DDX10: variants seen among roughly 807,000 people sequenced by gnomAD.
DDX10 encodes probable ATP-dependent RNA helicase DDX10.
In DDX10, 74 loss-of-function variants were observed where a neutral mutation model predicts 104.3. That is an observed-to-expected ratio of 0.71 (90% CI 0.59 to 0.86). DDX10 has a LOEUF of 0.86. DDX10 is among the 40% of genes least tolerant of loss of function. DDX10 has a pLI of 0.00. For synonymous variants in DDX10, 351 were observed against 353.4 expected (o/e 0.99, Z 0.08); for missense variants, 952 against 1,040.0 (o/e 0.92, Z 1.16).
At chr11:108,756,859 C>G (rs1203062300) in intron 13 of DDX10, among the ~76,000 whole-genome samples, 1 of 151,936 alleles carries the variant, frequency 6.6e-6, no homozygotes, top group East Asian at 1.9e-4. Context: ...CAGTCAACAT[C>G]GAGTCATGTC....
intron 13 of DDX10, among the ~76,000 whole-genome samples, chr11:108,774,286 C>T (rs1030876623): frequency 3.3e-5 from 5 of 152,172 alleles, no homozygotes; most frequent in Admixed American, 1.3e-4. Flanking sequence ...TGGGCATTGC[C>T]CTTTGCAGGC....
At chr11:108,872,820 T>TCCCCCCCC (rs33959241) in intron 16 of DDX10, among the ~76,000 whole-genome samples, 29 of 145,106 alleles carry the variant, frequency 2.0e-4, no homozygotes, top group South Asian at 4.7e-4. Context: ...TAATTTCCGT[T>TCCCCCCCC]CCCCCCCCCT....
At chr11:108,906,014 T>C (rs1303454990) in intron 16 of DDX10, among the ~76,000 whole-genome samples, 2 of 152,206 alleles carry the variant, frequency 1.3e-5, no homozygotes, top group African/African-American at 2.4e-5. Context: ...ACCTCCAGCA[T>C]TGGGGATTAC....
intron 13 of DDX10, among the ~76,000 whole-genome samples, chr11:108,734,159 T>TC (rs2094315593): frequency 6.6e-6 from 1 of 152,172 alleles, no homozygotes; most frequent in Non-Finnish European, 1.5e-5. Flanking sequence ...TTTTTATCTC[T>TC]TCCATACCTG....
chr11:108,719,337 T>C (rs1033163480), intron 11 of DDX10, among the ~76,000 whole-genome samples: 2 of 152,166 alleles, frequency 1.3e-5, no homozygotes, highest in African/African-American at 4.8e-5. Flanking sequence ...ATGCTAGGTA[T>C]CTACATGCAT....
chr11:108,665,961 G>C (rs2094209608), intron 1 of DDX10, among the ~76,000 whole-genome samples: 1 of 152,132 alleles, frequency 6.6e-6, no homozygotes, highest in Non-Finnish European at 1.5e-5. Flanking sequence ...TGGACCGCTG[G>C]TCTGTTTCTG....
intron 13 of DDX10, chr11:108,822,434 TG>T: frequency 5.2e-6 from 2 of 382,254 alleles, no homozygotes; most frequent in Non-Finnish European, 1.0e-5. Flanking sequence ...ATGTTCTTCT[TG>T]GGAGTCTCCA....
rs574085981 is a variant in DDX10, at chr11:108,858,881, A to G, written c.2304+6672A>G. Among the ~76,000 whole-genome samples the G allele has an allele frequency of 1.4e-4, 21 of 152,232 alleles. No individual in the cohort carries two copies. The East Asian group carries it at 3.7e-3, about 27-fold the overall frequency. On this transcript the variant is annotated intron_variant, in intron 16 of 17. Transcript: ENST00000322536. ...AGGGTAATTTGATATGTTGATTTTC[A>G]CCTTGCCTGTCAGCTTTGGAACTGA...
At chr11:108,889,543 A>G (rs1200204420) in intron 16 of DDX10, among the ~76,000 whole-genome samples, 5 of 152,152 alleles carry the variant, frequency 3.3e-5, no homozygotes, top group African/African-American at 1.2e-4. Context: ...ATTACTTTTT[A>G]TTAAGGAAAC....
chr11:108,696,729 C>T (rs1291531816), intron 9 of DDX10, among the ~76,000 whole-genome samples: 4 of 151,878 alleles, frequency 2.6e-5, no homozygotes, highest in East Asian at 1.9e-4. Context: ...TTTTCCTTTT[C>T]GATATCTTTA....
intron 13 of DDX10, among the ~76,000 whole-genome samples, chr11:108,744,891 G>A (rs1358428308): frequency 6.6e-6 from 1 of 152,152 alleles, no homozygotes; most frequent in African/African-American, 2.4e-5. Flanking sequence ...AAGTGTCTAA[G>A]GCTGTGTTAG....
Position 108,675,724 on chromosome 11 carries a change from C to G in DDX10, c.376C>G (p.Pro126Ala). 6.2e-7 allele frequency: 1 copy of G among 1,613,978 alleles called. No homozygotes were observed. Among genetic ancestry groups the G allele is most frequent in the Non-Finnish European group, 8.5e-7 (1 of 1,179,966 alleles). The change falls in exon 3 of 18, where the codon CCA (proline) becomes GCA (alanine). Residue 126 changes from proline to alanine, a missense_variant and splice_region_variant. Transcript: ENST00000322536. ...GSGKTLAFLVPVLEALYRLQW... is the reference protein window; with the variant it reads ...GSGKTLAFLVAVLEALYRLQW... ...TGGCAAGACTCTGGCTTTTCTTGTT[C>G]CAGTAAGTACATTGTCATTGGGTCA...
chr11:108,683,017 G>T (rs914601428), intron 6 of DDX10, among the ~76,000 whole-genome samples: 1 of 152,240 alleles, frequency 6.6e-6, no homozygotes. Context: ...AGGTCAGGTT[G>T]TCTTGATCTG....
At chr11:108,755,798 C>T (rs1371079631) in intron 13 of DDX10, among the ~76,000 whole-genome samples, 1 of 151,986 alleles carries the variant, frequency 6.6e-6, no homozygotes, top group Non-Finnish European at 1.5e-5. Flanking sequence ...TTACTTCTTA[C>T]TTTAGTTTTC....
intron 16 of DDX10, among the ~76,000 whole-genome samples, chr11:108,906,141 A>T (rs1392383974): frequency 6.6e-6 from 1 of 152,292 alleles, no homozygotes; most frequent in South Asian, 2.1e-4. Flanking sequence ...TTTACTATTA[A>T]TACCTGGTTT....
intron 13 of DDX10, among the ~76,000 whole-genome samples, chr11:108,803,598 A>AG (rs34795110): frequency 0.71 from 97,982 of 138,572 alleles, 35,641 homozygotes; most frequent in Admixed American, 0.78. Flanking sequence ...AAAAAAAAAA[A>AG]AAAAGAAAAA....
chr11:108,779,069 A>G (rs569074765), intron 13 of DDX10, among the ~76,000 whole-genome samples: 59 of 152,268 alleles, frequency 3.9e-4, no homozygotes, highest in Non-Finnish European at 6.5e-4. Flanking sequence ...AGAAATAGGA[A>G]CCCTTTTACA....
intron 13 of DDX10, among the ~76,000 whole-genome samples, chr11:108,782,972 T>C (rs1861728331): frequency 6.6e-6 from 1 of 152,226 alleles, no homozygotes; most frequent in Non-Finnish European, 1.5e-5. Flanking sequence ...CACCCACATA[T>C]GCTTTGTCTG....
At chr11:108,825,300 T>G (rs1301066201) in intron 13 of DDX10, among the ~76,000 whole-genome samples, 1 of 152,126 alleles carries the variant, frequency 6.6e-6, no homozygotes, top group Admixed American at 6.5e-5. Flanking sequence ...GAATAGAAAC[T>G]GTGTAGGGGA....
Sources: gnomAD v4.1 joint callset for allele counts (sites outside exome capture counted in the v4.1 genomes callset) on GRCh38, gnomAD v4.1.1 for gene constraint, MANE v1.5 for transcripts, NCBI Gene and HGNC (gene_info 2026-07-23, HGNC 2026-07-21) for gene names.